SCAI: variants seen among roughly 807,000 people sequenced by gnomAD.
The protein encoded by SCAI is suppressor of cancer cell invasion, also known as protein SCAI.
SCAI carries 24 observed loss-of-function variants against 92.2 expected under a neutral mutation model. That is an observed-to-expected ratio of 0.26 (90% CI 0.19 to 0.37). The LOEUF (loss-of-function observed/expected upper bound fraction) is 0.37, where lower values mean the gene tolerates loss of function less well. Among genes scored for constraint, SCAI ranks in the 10% least tolerant of loss-of-function variants. SCAI has a pLI of 1.00. For missense variants in SCAI, 450 were observed against 736.2 expected (o/e 0.61, Z 4.50); for synonymous variants, 261 against 258.6 (o/e 1.01, Z -0.09).
At chr9:125,095,642 G>A (rs1016803145) in intron 2 of SCAI, among the ~76,000 whole-genome samples, 1 of 152,228 alleles carries the variant, frequency 6.6e-6, no homozygotes, top group Non-Finnish European at 1.5e-5. Context: ...GGGATTTGAG[G>A]TGAAGTGATG....
intron 9 of SCAI, among the ~76,000 whole-genome samples, chr9:125,007,285 A>G (rs908793029): frequency 6.6e-6 from 1 of 152,242 alleles, no homozygotes; most frequent in African/African-American, 2.4e-5. Context: ...TAGAGAGTAT[A>G]GTTAGCAGAA....
At chr9:125,077,336 A>G (rs1054352973) in intron 2 of SCAI, among the ~76,000 whole-genome samples, 7 of 152,164 alleles carry the variant, frequency 4.6e-5, no homozygotes, top group Non-Finnish European at 1.0e-4. Flanking sequence ...GGATATGCCA[A>G]ATTTTGTTTC....
intron 5 of SCAI, 150 bp downstream of exon 5, chr9:125,028,242 T>C (rs760971656): frequency 1.9e-6 from 1 of 520,782 alleles, no homozygotes; most frequent in South Asian, 2.5e-5. Flanking sequence ...TTGCACAACA[T>C]TGTCTTGATC....
intron 2 of SCAI, among the ~76,000 whole-genome samples, chr9:125,064,673 C>T (rs1329907331): frequency 2.6e-5 from 4 of 152,012 alleles, no homozygotes; most frequent in African/African-American, 7.3e-5. Flanking sequence ...TAGTGAAATC[C>T]CGTCTCTACT....
intron 2 of SCAI, among the ~76,000 whole-genome samples, chr9:125,121,443 G>C (rs928214580): frequency 1.3e-4 from 19 of 151,856 alleles, no homozygotes; most frequent in African/African-American, 4.1e-4. Context: ...TTATGCAAAG[G>C]CTCCACCCTT....
At chr9:124,962,104 CT>C (rs1256283378) in intron 17 of SCAI, among the ~76,000 whole-genome samples, 1 of 138,304 alleles carries the variant, frequency 7.2e-6, no homozygotes, top group Non-Finnish European at 1.5e-5. Context: ...TTTCCTTTTG[CT>C]TTGTTATATA....
At chr9:125,095,881 G>A (rs1247971095) in intron 2 of SCAI, among the ~76,000 whole-genome samples, 2 of 152,052 alleles carry the variant, frequency 1.3e-5, no homozygotes, top group African/African-American at 4.8e-5. Flanking sequence ...AAAGGCCCTG[G>A]GAGGCTTAAA....
intron 2 of SCAI, among the ~76,000 whole-genome samples, chr9:125,119,842 G>T (rs1320249703): frequency 1.3e-5 from 2 of 152,172 alleles, no homozygotes; most frequent in Non-Finnish European, 2.9e-5. Flanking sequence ...CTGGCAAGCT[G>T]ATCCCAGATG....
intron 3 of SCAI, among the ~76,000 whole-genome samples, chr9:125,053,177 T>C (rs989788030): frequency 3.3e-5 from 5 of 151,982 alleles, no homozygotes; most frequent in African/African-American, 7.2e-5. Context: ...CTACCAAAAA[T>C]ACAAAAATTA....
At chr9:125,122,812 G>A (rs2131251768) in intron 2 of SCAI, among the ~76,000 whole-genome samples, 1 of 152,176 alleles carries the variant, frequency 6.6e-6, no homozygotes, top group South Asian at 2.1e-4. Context: ...AGGCTAGGGT[G>A]GGAGGATTAC....
chr9:125,119,022 C>T (rs1835106484), intron 2 of SCAI, among the ~76,000 whole-genome samples: 1 of 152,066 alleles, frequency 6.6e-6, no homozygotes, highest in Admixed American at 6.6e-5. Flanking sequence ...TCAAAAAGTC[C>T]AGGCTGGGTG....
At position 124,948,008 on chromosome 9, in the gene SCAI, T is replaced by C. The variant is rs1053948182; in HGVS notation, c.*4799A>G. The C allele has an allele frequency of 6.6e-6, 1 of 152,228 alleles. No homozygotes were observed. Among genetic ancestry groups the C allele is most frequent in the African/African-American group, 2.4e-5 (1 of 41,462 alleles). The allele number at this position is 152,228 out of a possible 1,614,324, so 9.4% of individuals were successfully genotyped here. On this transcript the variant is annotated 3_prime_UTR_variant, in exon 18 of 18. Coordinates refer to ENST00000336505, the MANE Select transcript of SCAI (RefSeq NM_001144877.3). ...AATTTTTCAGCTGGGTCCAAACTGC[T>C]TCTCAGAGACAGAAAGTTACTATAT...
At chr9:125,006,201 G>C (rs1290798493) in intron 9 of SCAI, among the ~76,000 whole-genome samples, 1 of 152,124 alleles carries the variant, frequency 6.6e-6, no homozygotes, top group Non-Finnish European at 1.5e-5. Flanking sequence ...AACAGAAACA[G>C]GATGATACAA....
intron 2 of SCAI, among the ~76,000 whole-genome samples, chr9:125,119,681 T>C (rs957469713): frequency 6.6e-5 from 10 of 152,222 alleles, no homozygotes; most frequent in African/African-American, 2.4e-4. Flanking sequence ...AACAATCTTT[T>C]ATTGTGCTCA....
chr9:124,997,784 G>A (rs1832269010), intron 13 of SCAI, among the ~76,000 whole-genome samples: 1 of 151,308 alleles, frequency 6.6e-6, no homozygotes, highest in African/African-American at 2.4e-5. Context: ...GCTGAGGCAG[G>A]AGAATCGCTT....
At chr9:125,132,277 C>A (rs1389215832) in intron 2 of SCAI, among the ~76,000 whole-genome samples, 1 of 152,064 alleles carries the variant, frequency 6.6e-6, no homozygotes, top group Non-Finnish European at 1.5e-5. Context: ...CCACGCCTGG[C>A]TAGTTTTTGT....
At chr9:125,017,292 C>T (rs999385782) in intron 9 of SCAI, among the ~76,000 whole-genome samples, 11 of 151,670 alleles carry the variant, frequency 7.3e-5, no homozygotes, top group Admixed American at 5.9e-4. Flanking sequence ...TCATCTAGTT[C>T]GGTGATATCT....
At chr9:125,024,598 C>G (rs114775361) in intron 6 of SCAI, among the ~76,000 whole-genome samples, 200 of 152,152 alleles carry the variant, frequency 1.3e-3, no homozygotes, top group African/African-American at 4.6e-3. Flanking sequence ...TCTTAACAAA[C>G]TTCTGGACTC....
At chr9:125,040,930 G>A (rs190949502) in intron 3 of SCAI, among the ~76,000 whole-genome samples, 4 of 151,990 alleles carry the variant, frequency 2.6e-5, no homozygotes, top group Admixed American at 6.6e-5. Context: ...CACCGCACCC[G>A]GCCTCCCTGT....
Sources: allele counts gnomAD v4.1 joint callset (sites outside exome capture counted in the v4.1 genomes callset), GRCh38; gene constraint gnomAD v4.1.1; transcripts MANE v1.5; gene names NCBI Gene and HGNC (gene_info 2026-07-23, HGNC 2026-07-21).